MARCHF8: variants seen among roughly 807,000 people sequenced by gnomAD.
The protein encoded by MARCHF8 is membrane associated ring-CH-type finger 8.
In MARCHF8, 40 loss-of-function variants were observed where a neutral mutation model predicts 51.6. The observed-to-expected ratio is 0.77, with a 90% CI of 0.60 to 1.01. The LOEUF (loss-of-function observed/expected upper bound fraction) is 1.01, where lower values mean the gene tolerates loss of function less well. Ranked by LOEUF, MARCHF8 falls within the 50% of genes least tolerant of loss-of-function variation. The pLI is 0.00. For synonymous variants in MARCHF8, 263 were observed against 280.3 expected, an observed-to-expected ratio of 0.94 and a Z score of 0.62; for missense variants, 685 against 708.6, an observed-to-expected ratio of 0.97 and a Z score of 0.38.
intron 1 of MARCHF8, among the ~76,000 whole-genome samples, chr10:45,545,252 T>C (rs2044105554): frequency 6.6e-6 from 1 of 152,246 alleles, no homozygotes; most frequent in South Asian, 2.1e-4. Context: ...TGTATCTCTC[T>C]TTCTGTGGCC....
rs1842629590 is a variant in MARCHF8, at chr10:45,457,125, A to G, written c.*1114T>C. The G allele has an allele frequency of 6.6e-6, 1 of 152,190 alleles. No individual in the cohort carries two copies. The highest frequency in any genetic ancestry group is 2.1e-4 in the South Asian group (1 of 4,836). The allele number at this position is 152,190 out of a possible 1,614,324, so 9.4% of individuals were successfully genotyped here. A position where few individuals can be genotyped will look rare whatever the true frequency, so the allele number is the denominator to read the frequency against. On this transcript the variant is annotated 3_prime_UTR_variant, in exon 8 of 8. Transcript: ENST00000453424. ...GCACCCATCTTGCATGCAAGGGAGA[A>G]CCTGCATGCAGTGCACACACCCCGG...
intron 3 of MARCHF8, among the ~76,000 whole-genome samples, chr10:45,481,896 A>G (rs969973405): frequency 6.6e-6 from 1 of 152,182 alleles, no homozygotes; most frequent in African/African-American, 2.4e-5. Flanking sequence ...CTTTTTGCAG[A>G]TGATATGATT....
chr10:45,566,100 G>A (rs1347183177), intron 1 of MARCHF8, among the ~76,000 whole-genome samples: 3 of 152,092 alleles, frequency 2.0e-5, no homozygotes, highest in South Asian at 2.1e-4. Flanking sequence ...TAAAAATGTG[G>A]AAAATGTGGC....
chr10:45,486,798 A>G (rs953086167), intron 3 of MARCHF8, among the ~76,000 whole-genome samples: 1 of 129,912 alleles, frequency 7.7e-6, no homozygotes, highest in African/African-American at 3.0e-5. Context: ...TTGTATTATT[A>G]CCCTACTTTT....
In MARCHF8 at chr10:45,461,410, T is replaced by A; in HGVS notation, c.1090A>T (p.Ile364Phe). The part of the protein sequence containing the change: ...PVSTSGDVCR[I>F]CHCEGDDESP... Reference sequence around the variant, plus strand: ...TCATCATCTCCTTCACAGTGGCAGATCCTATGGTGGAAGGAAAACCTGTCA... The same window carrying A: ...TCATCATCTCCTTCACAGTGGCAGAACCTATGGTGGAAGGAAAACCTGTCA... Residue 364 changes from isoleucine (I) to phenylalanine (F), a missense_variant and splice_region_variant, in exon 6 of 8, where the codon ATC becomes TTC. Transcript: ENST00000453424. 1 of 1,551,372 alleles carries A rather than the reference T, an allele frequency of 6.4e-7. No homozygotes were observed. The highest frequency in any genetic ancestry group is 8.7e-7 in the Non-Finnish European group (1 of 1,150,646).
At chr10:45,586,931 C>T (rs926761605) in intron 1 of MARCHF8, among the ~76,000 whole-genome samples, 7 of 150,906 alleles carry the variant, frequency 4.6e-5, no homozygotes, top group African/African-American at 1.4e-4. Flanking sequence ...TTAACATCTC[C>T]TAAAGTGCAT....
At chr10:45,469,419 T>C (rs1843083471) in intron 3 of MARCHF8, among the ~76,000 whole-genome samples, 1 of 152,116 alleles carries the variant, frequency 6.6e-6, no homozygotes, top group African/African-American at 2.4e-5. Flanking sequence ...GGATGACAGG[T>C]AAAGAAATCA....
intron 3 of MARCHF8, among the ~76,000 whole-genome samples, chr10:45,472,116 C>G (rs1312603405): frequency 6.6e-6 from 1 of 152,158 alleles, no homozygotes; most frequent in Non-Finnish European, 1.5e-5. Flanking sequence ...TAGGCCTAGG[C>G]CCTCCTTTCC....
At chr10:45,548,053 T>G (rs1168132212) in intron 1 of MARCHF8, among the ~76,000 whole-genome samples, 1 of 152,222 alleles carries the variant, frequency 6.6e-6, no homozygotes, top group African/African-American at 2.4e-5. Context: ...TCATCTTTAT[T>G]CTAGTAGAAG....
Position 45,580,003 on chromosome 10 carries a change from CAAAAAAAAAAAA to C in MARCHF8, c.-79+14220_-79+14231del, listed in dbSNP as rs34446338. 5.5e-4 allele frequency among the ~76,000 whole-genome samples: 20 copies of C among 36,468 alleles called. No homozygotes were observed. In the East Asian group the frequency reaches 0.015, roughly 27 times the overall value. The allele number at this position is 36,468 out of a possible 152,430, so 23.9% of individuals were successfully genotyped here. On this transcript the variant is annotated intron_variant, in intron 1 of 6. Coordinates refer to the MARCHF8 transcript ENST00000319836. ...ACTCCAGCCTGAAAGACTCCGTCTC[CAAAAAAAAAAAA>C]AAAAAAAAAAAAAAAATCCACAGTA...
At chr10:45,530,639 A>G (rs1030799799) in intron 2 of MARCHF8, among the ~76,000 whole-genome samples, 4 of 152,080 alleles carry the variant, frequency 2.6e-5, no homozygotes, top group Non-Finnish European at 5.9e-5. Context: ...AAACTTATCC[A>G]GGCATGGTCT....
At chr10:45,571,509 T>C (rs969878477) in intron 1 of MARCHF8, among the ~76,000 whole-genome samples, 2 of 152,270 alleles carry the variant, frequency 1.3e-5, no homozygotes, top group South Asian at 4.1e-4. Flanking sequence ...ACCCAGGTGA[T>C]TAAAAAGCTT....
At chr10:45,583,832 A>G (rs889605564) in intron 1 of MARCHF8, among the ~76,000 whole-genome samples, 13 of 151,862 alleles carry the variant, frequency 8.6e-5, no homozygotes, top group African/African-American at 2.4e-4. Context: ...GGATAAAAGC[A>G]GTAACAAAAG....
intron 1 of MARCHF8, among the ~76,000 whole-genome samples, chr10:45,580,031 A>T (rs1009601360): frequency 6.9e-6 from 1 of 144,202 alleles, no homozygotes; most frequent in African/African-American, 2.6e-5. Context: ...AAAAAAAAAA[A>T]TCCACAGTAT....
Position 45,587,661 on chromosome 10 carries a change from T to G in MARCHF8, c.-79+6574A>C, listed in dbSNP as rs117826313. Among the ~76,000 whole-genome samples, 507 of 152,228 alleles carry G rather than the reference T, an allele frequency of 3.3e-3. 3 individuals carry two copies. Among genetic ancestry groups the G allele is most frequent in the Non-Finnish European group, 6.0e-3 (408 of 67,998 alleles). On this transcript the variant is annotated intron_variant, in intron 1 of 6. Coordinates refer to the MARCHF8 transcript ENST00000319836. ...AAAATAAGGAACAAAGTTGGAGGATTTACACTAACCAATTTCAAACCTCAT... is the reference window on the plus strand; with the variant it reads ...AAAATAAGGAACAAAGTTGGAGGATGTACACTAACCAATTTCAAACCTCAT...
At chr10:45,569,872 A>T (rs1041815663) in intron 1 of MARCHF8, among the ~76,000 whole-genome samples, 1 of 152,234 alleles carries the variant, frequency 6.6e-6, no homozygotes, top group Non-Finnish European at 1.5e-5. Context: ...GAAAAAAACA[A>T]GACCCAATTA....
At chr10:45,542,343 C>CT (rs2044065401) in intron 1 of MARCHF8, among the ~76,000 whole-genome samples, 1 of 73,090 alleles carries the variant, frequency 1.4e-5, no homozygotes, top group Non-Finnish European at 2.2e-5. Flanking sequence ...AGGACTTCGT[C>CT]TCAAAAAAAA....
Position 45,463,742 on chromosome 10 carries a change from T to G in MARCHF8, c.497A>C (p.Gln166Pro). The G allele has an allele frequency of 6.4e-7, 1 of 1,551,230 alleles. No homozygotes were observed. The highest frequency in any genetic ancestry group is 8.7e-7 in the Non-Finnish European group (1 of 1,147,136). ...RSLNDVGEKA[Q>P]DTSESFAYVE... Reference sequence around the variant, plus strand: ...ATAGGCAAAACTTTCTGAAGTATCCTGCGCCTTCTCACCCACATCATTGAG... The same window carrying G: ...ATAGGCAAAACTTTCTGAAGTATCCGGCGCCTTCTCACCCACATCATTGAG... Residue 166 changes from glutamine to proline, a missense_variant, in exon 5 of 8, where the codon CAG (glutamine) becomes CCG (proline). By Grantham distance (76) the Gln-to-Pro change is moderately conservative. Coordinates refer to ENST00000453424, the MANE Select transcript of MARCHF8 (RefSeq NM_001282866.2).
intron 2 of MARCHF8, among the ~76,000 whole-genome samples, chr10:45,495,114 C>A (rs1220190270): frequency 6.6e-6 from 1 of 151,150 alleles, no homozygotes; most frequent in African/African-American, 2.4e-5. Context: ...AAGCAAAACT[C>A]CATCTCAAAA....
Sources: allele counts gnomAD v4.1 joint callset (sites outside exome capture counted in the v4.1 genomes callset), GRCh38; gene constraint gnomAD v4.1.1; transcripts MANE v1.5; gene names NCBI Gene and HGNC (gene_info 2026-07-23, HGNC 2026-07-21).